The following AFG1L variants were observed in gnomAD, a reference collection of about 807,000 sequenced individuals.
AFG1L encodes the protein AFG1-like ATPase.
Under a neutral mutation model 62.2 loss-of-function variants are expected in AFG1L, and 53 were observed. The ratio of observed to expected loss-of-function variants is 0.85; its 90% CI spans 0.68 to 1.07. AFG1L has a LOEUF of 1.07. AFG1L is among the 50% of genes least tolerant of loss of function. The pLI is 0.00. For synonymous variants in AFG1L, 228 were observed against 210.3 expected (o/e 1.08, Z -0.73); for missense variants, 555 against 590.5 (o/e 0.94, Z 0.62).
At chr6:108,315,784 A>C (rs1407902016) in intron 1 of AFG1L, among the ~76,000 whole-genome samples, 1 of 152,188 alleles carries the variant, frequency 6.6e-6, no homozygotes, top group Non-Finnish European at 1.5e-5. Context: ...GTGGTAGCTC[A>C]TGCCTGTAAT....
At chr6:108,424,596 A>G (rs1346331346) in intron 7 of AFG1L, among the ~76,000 whole-genome samples, 2 of 152,072 alleles carry the variant, frequency 1.3e-5, no homozygotes, top group African/African-American at 4.8e-5. Context: ...TGATTATTAT[A>G]TAGCATATAA....
intron 6 of AFG1L, among the ~76,000 whole-genome samples, chr6:108,370,515 C>T (rs1363999234): frequency 6.6e-6 from 1 of 151,892 alleles, no homozygotes; most frequent in Non-Finnish European, 1.5e-5. Context: ...AGGTAAAGGC[C>T]AGGAATATAG....
At chr6:108,302,212 G>A (rs1026284637) in intron 1 of AFG1L, among the ~76,000 whole-genome samples, 1 of 152,076 alleles carries the variant, frequency 6.6e-6, no homozygotes, top group Admixed American at 6.5e-5. Context: ...CAAAGTACTG[G>A]GATTACAGGC....
At chr6:108,464,778 AAAAAACAAAC>A (rs977429000) in intron 8 of AFG1L, among the ~76,000 whole-genome samples, 9 of 130,708 alleles carry the variant, frequency 6.9e-5, no homozygotes, top group African/African-American at 2.3e-4. Context: ...CTCAAAAAAC[AAAAAACAAAC>A]AAAAAAAACA....
At chr6:108,311,593 C>T (rs1777413882) in intron 1 of AFG1L, among the ~76,000 whole-genome samples, 1 of 151,684 alleles carries the variant, frequency 6.6e-6, no homozygotes. Flanking sequence ...AACTCCGGGG[C>T]TCAAGCGATC....
At chr6:108,456,147 G>A (rs1490271770) in intron 8 of AFG1L, among the ~76,000 whole-genome samples, 1 of 152,068 alleles carries the variant, frequency 6.6e-6, no homozygotes, top group East Asian at 1.9e-4. Context: ...GGATTGATAT[G>A]TTCTCTTGAT....
intron 7 of AFG1L, among the ~76,000 whole-genome samples, chr6:108,431,301 AC>A (rs1320277960): frequency 6.6e-6 from 1 of 152,026 alleles, no homozygotes; most frequent in Non-Finnish European, 1.5e-5. Context: ...ACAGGGTTTC[AC>A]CATGTTGGCC....
At chr6:108,507,154 C>G (rs948588243) in intron 10 of AFG1L, among the ~76,000 whole-genome samples, 2 of 152,116 alleles carry the variant, frequency 1.3e-5, no homozygotes, top group Admixed American at 1.3e-4. Flanking sequence ...AATAACCTCT[C>G]CTTGTTTGAA....
chr6:108,305,454 C>T (rs901325362), intron 1 of AFG1L, among the ~76,000 whole-genome samples: 7 of 152,194 alleles, frequency 4.6e-5, no homozygotes, highest in African/African-American at 7.2e-5. Context: ...GGTATGATCA[C>T]GGCTCACTGC....
At chr6:108,445,676 G>GAGAGAGAGAA (rs1771750455) in intron 7 of AFG1L, among the ~76,000 whole-genome samples, 1 of 133,574 alleles carries the variant, frequency 7.5e-6, no homozygotes, top group South Asian at 2.5e-4. Context: ...GAGAGAGAGA[G>GAGAGAGAGAA]AGAGAAACAG....
intron 8 of AFG1L, among the ~76,000 whole-genome samples, chr6:108,454,198 TCA>T (rs1283444517): frequency 6.6e-6 from 1 of 152,202 alleles, no homozygotes; most frequent in Non-Finnish European, 1.5e-5. Flanking sequence ...TTTCTACTTC[TCA>T]CACTAGTTTG....
At chr6:108,300,951 C>T (rs1266728262) in intron 1 of AFG1L, among the ~76,000 whole-genome samples, 1 of 152,110 alleles carries the variant, frequency 6.6e-6, no homozygotes, top group Non-Finnish European at 1.5e-5. Flanking sequence ...GAATTATAGG[C>T]GTGAGCCACC....
intron 2 of AFG1L, among the ~76,000 whole-genome samples, chr6:108,332,676 T>C (rs1778319623): frequency 6.6e-6 from 1 of 152,144 alleles, no homozygotes; most frequent in South Asian, 2.1e-4. Context: ...AGTGCAGTCA[T>C]GGCTCACTGC....
chr6:108,467,003 A>G (rs1772699686), intron 8 of AFG1L, among the ~76,000 whole-genome samples: 1 of 151,862 alleles, frequency 6.6e-6, no homozygotes, highest in African/African-American at 2.4e-5. Context: ...GAGAAGTCAC[A>G]TACATGTGAA....
chr6:108,347,199 TCTCAG>T (rs1364488339), intron 3 of AFG1L, among the ~76,000 whole-genome samples, 160 bp downstream of exon 3: 1 of 152,166 alleles, frequency 6.6e-6, no homozygotes, highest in Non-Finnish European at 1.5e-5. Flanking sequence ...AGGGCAGTTA[TCTCAG>T]CTTTTACTTT....
intron 11 of AFG1L, among the ~76,000 whole-genome samples, chr6:108,518,190 A>G (rs1490303100): frequency 6.6e-6 from 1 of 152,208 alleles, no homozygotes; most frequent in Non-Finnish European, 1.5e-5. Context: ...GCTGCTATAA[A>G]GACACATGCA....
intron 1 of AFG1L, among the ~76,000 whole-genome samples, chr6:108,302,206 G>A (rs1169227311): frequency 6.6e-6 from 1 of 152,144 alleles, no homozygotes; most frequent in Non-Finnish European, 1.5e-5. Context: ...GCCTCCCAAA[G>A]TACTGGGATT....
intron 8 of AFG1L, among the ~76,000 whole-genome samples, chr6:108,462,823 G>A (rs1264933222): frequency 2.6e-5 from 4 of 152,132 alleles, no homozygotes; most frequent in Non-Finnish European, 5.9e-5. Context: ...ATTCTTACAC[G>A]TATAAAAATA....
rs552650399 is a variant in AFG1L, at chr6:108,492,089, C to A, written c.1062+14797C>A. On this transcript the variant is annotated intron_variant, in intron 10 of 12. Transcript: ENST00000368977. ...AAATAACTTCTTAGCTATTCTAAAG[C>A]CTTTTCTCCTTTTTCATTTTGGGAT... is the stretch of plus-strand genomic sequence containing the variant. Among the ~76,000 whole-genome samples, 35 of 152,304 alleles carry A rather than the reference C, an allele frequency of 2.3e-4. 1 individual carries two copies. The South Asian group carries it at 6.2e-3, about 27-fold the overall frequency.
Sources: gnomAD v4.1 joint callset for allele counts (sites outside exome capture counted in the v4.1 genomes callset) on GRCh38, gnomAD v4.1.1 for gene constraint, MANE v1.5 for transcripts, NCBI Gene and HGNC (gene_info 2026-07-23, HGNC 2026-07-21) for gene names.